Variants in MTUS1 observed in about 807,000 individuals in gnomAD.
MTUS1 encodes the protein microtubule associated scaffold protein 1, also known as microtubule-associated tumor suppressor 1.
Under a neutral mutation model 120.8 loss-of-function variants are expected in MTUS1, and 109 were observed. The observed-to-expected ratio is 0.90, with a 90% confidence interval of 0.77 to 1.06. The LOEUF (loss-of-function observed/expected upper bound fraction) is 1.06, where lower values mean the gene tolerates loss of function less well. MTUS1 is among the 50% of genes least tolerant of loss of function. MTUS1 has a pLI of 0.00. For missense variants in MTUS1, 2,210 were observed against 1,486.3 expected, an observed-to-expected ratio of 1.49 and a Z score of -8.01; for synonymous variants, 737 against 550.5, an observed-to-expected ratio of 1.34 and a Z score of -4.74.
At chr8:17,717,656 C>A (rs2131058346) in intron 4 of MTUS1, among the ~76,000 whole-genome samples, 1 of 152,150 alleles carries the variant, frequency 6.6e-6, no homozygotes, top group Non-Finnish European at 1.5e-5. Context: ...GACACAAAGG[C>A]CCACGGTTCA....
intron 7 of MTUS1, chr8:17,676,512 C>A (rs1168977723): frequency 1.7e-6 from 1 of 594,700 alleles, no homozygotes; most frequent in Admixed American, 2.9e-5. Flanking sequence ...TCCTCACTCA[C>A]AGAAGCTGAT....
At chr8:17,748,154 G>A (rs535142142) in intron 2 of MTUS1, 10 of 152,088 alleles carry the variant, frequency 6.6e-5, no homozygotes, top group African/African-American at 1.7e-4. Context: ...ACCCAATCTC[G>A]CCTGATCTTT....
intron 1 of MTUS1, among the ~76,000 whole-genome samples, chr8:17,773,440 C>G (rs1440567058): frequency 2.0e-5 from 3 of 152,202 alleles, no homozygotes; most frequent in African/African-American, 7.2e-5. Context: ...AGATACCTCA[C>G]TTTGATGTAT....
chr8:17,771,622 G>C (rs1158112321), intron 1 of MTUS1, among the ~76,000 whole-genome samples: 4 of 152,174 alleles, frequency 2.6e-5, no homozygotes, highest in Admixed American at 2.0e-4. Flanking sequence ...GTCTGAATCA[G>C]ACACCTGAAA....
At chr8:17,767,166 T>C (rs1021181783) in intron 1 of MTUS1, among the ~76,000 whole-genome samples, 1 of 137,018 alleles carries the variant, frequency 7.3e-6, no homozygotes, top group African/African-American at 2.7e-5. Flanking sequence ...CTTTTTTCAC[T>C]TTGGTGATAT....
chr8:17,800,046 A>C (rs576769916), intron 1 of MTUS1, among the ~76,000 whole-genome samples: 12 of 152,318 alleles, frequency 7.9e-5, no homozygotes, highest in African/African-American at 2.9e-4. Context: ...CATCCCTGAA[A>C]AAGCAAACTG....
At chr8:17,731,456 C>T (rs888419865) in intron 3 of MTUS1, among the ~76,000 whole-genome samples, 8 of 152,006 alleles carry the variant, frequency 5.3e-5, no homozygotes, top group Non-Finnish European at 8.8e-5. Flanking sequence ...AAGTACCATA[C>T]AAATATTAGC....
At chr8:17,728,509 A>T (rs1383836506) in intron 3 of MTUS1, among the ~76,000 whole-genome samples, 3 of 152,262 alleles carry the variant, frequency 2.0e-5, no homozygotes, top group Non-Finnish European at 4.4e-5. Flanking sequence ...AAGTAATCAC[A>T]AAGTTCAAAC....
At chr8:17,748,564 A>C (rs556561436) in intron 2 of MTUS1, among the ~76,000 whole-genome samples, 1 of 152,278 alleles carries the variant, frequency 6.6e-6, no homozygotes, top group African/African-American at 2.4e-5. Context: ...GGTGGAGCCA[A>C]GAGAGCACTG....
intron 1 of MTUS1, among the ~76,000 whole-genome samples, chr8:17,770,906 G>C (rs1206363929): frequency 2.0e-5 from 3 of 152,158 alleles, no homozygotes; most frequent in South Asian, 2.1e-4. Context: ...TTGCCTGTCA[G>C]ATTAAATCAG....
intron 1 of MTUS1, among the ~76,000 whole-genome samples, chr8:17,782,396 G>A (rs2050939670): frequency 6.6e-6 from 1 of 152,116 alleles, no homozygotes; most frequent in Non-Finnish European, 1.5e-5. Context: ...CTATACACCT[G>A]ATCCTAAAAC....
chr8:17,777,481 G>A (rs2050545313), intron 1 of MTUS1, among the ~76,000 whole-genome samples: 1 of 151,300 alleles, frequency 6.6e-6, no homozygotes, highest in Admixed American at 6.6e-5. Flanking sequence ...GTCAGGCACA[G>A]TGTGTCCCTG....
intron 8 of MTUS1, chr8:17,664,038 G>A (rs1338330405): frequency 1.3e-5 from 2 of 152,212 alleles, no homozygotes; most frequent in Non-Finnish European, 2.9e-5. Context: ...CGGCTTGCAA[G>A]AGTCCATTGA....
In MTUS1 at chr8:17,755,289, T is replaced by C. The variant is rs566583665; in HGVS notation, c.519A>G (p.Ile173Met). The C allele has an allele frequency of 1.1e-5, 17 of 1,614,094 alleles. No homozygotes were observed. The African/African-American group carries it at 1.1e-4, about 10-fold the overall frequency. ...MTVDKVNCTF[I>M]SHHAIGKSQS... ...GACTCTTTCCGATGGCATGATGTGA[T>C]ATAAAGGTGCAGTTAACTTTATCCA... Residue 173 changes from isoleucine to methionine, a missense_variant, in exon 2 of 15, where the codon ATA (isoleucine) becomes ATG (methionine). Transcript: ENST00000693296.
chr8:17,722,878 GAAACTGATCTGTC>G (rs1338497046), intron 4 of MTUS1, among the ~76,000 whole-genome samples: 1 of 152,136 alleles, frequency 6.6e-6, no homozygotes, highest in African/African-American at 2.4e-5. Context: ...CCCAAAAGAA[GAAACTGATCTGTC>G]AAACTGAAGA....
intron 6 of MTUS1, among the ~76,000 whole-genome samples, chr8:17,703,217 T>C (rs141309887): frequency 0.012 from 1,783 of 152,200 alleles, 13 homozygotes; most frequent in Middle Eastern, 0.02. Flanking sequence ...GACGTGCGAG[T>C]AGGAGAGATA....
intron 8 of MTUS1, among the ~76,000 whole-genome samples, chr8:17,657,772 G>A (rs555339271): frequency 6.3e-5 from 8 of 126,914 alleles, no homozygotes; most frequent in Admixed American, 3.9e-4. Flanking sequence ...GGCTGCAACT[G>A]TTGGGCAACA....
rs771830817 is a variant in MTUS1, at chr8:17,646,989, T to C, written c.3592A>G (p.Ile1198Val). The C allele has an allele frequency of 8.7e-6, 14 of 1,613,160 alleles. No individual in the cohort carries two copies. Among genetic ancestry groups the C allele is most frequent in the Non-Finnish European group, 1.1e-5 (13 of 1,179,362 alleles). The change falls in exon 14 of 15, where the codon ATC becomes GTC. Residue 1198 changes from isoleucine (I) to valine (V), a missense_variant. By Grantham distance (29) the Ile-to-Val change is conservative. Coordinates refer to ENST00000693296, the MANE Select transcript of MTUS1 (RefSeq NM_001363059.2). ...GCACTGTTTTATTTTTACCTTGAGA[T>C]TGCCATGTGCTTGTCCATCCGAGCT... ...LKARMDKHMA[I>V]SRQLSTEQAV...
intron 6 of MTUS1, among the ~76,000 whole-genome samples, chr8:17,703,284 G>A (rs1229399007): frequency 6.6e-6 from 1 of 152,144 alleles, no homozygotes; most frequent in Non-Finnish European, 1.5e-5. Context: ...GAAAAGAATT[G>A]CATTCCTGGG....
Sources: allele counts gnomAD v4.1 joint callset (sites outside exome capture counted in the v4.1 genomes callset), GRCh38; gene constraint gnomAD v4.1.1; transcripts MANE v1.5; gene names NCBI Gene and HGNC (gene_info 2026-07-23, HGNC 2026-07-21).